Variants in CDH18 observed in about 807,000 individuals in gnomAD.
CDH18 encodes cadherin 18, also known as cadherin-18.
In CDH18, 31 loss-of-function variants were observed where a neutral mutation model predicts 67.9. That is an observed-to-expected ratio of 0.46 (90% CI 0.34 to 0.62). The LOEUF is 0.62. Ranked by LOEUF, CDH18 falls within the 20% of genes least tolerant of loss-of-function variation. The pLI is 0.01. For missense variants in CDH18, 890 were observed against 975.5 expected, an observed-to-expected ratio of 0.91 and a Z score of 1.17; for synonymous variants, 362 against 347.2, an observed-to-expected ratio of 1.04 and a Z score of -0.48.
chr5:19,903,639 TCC>T (rs1299725872), intron 2 of CDH18, among the ~76,000 whole-genome samples: 5 of 117,146 alleles, frequency 4.3e-5, no homozygotes, highest in Non-Finnish European at 5.4e-5. Context: ...TTTTTTTTTT[TCC>T]TCCAGGACTA....
At chr5:20,034,594 T>G (rs1219671432) in intron 2 of CDH18, among the ~76,000 whole-genome samples, 1 of 152,020 alleles carries the variant, frequency 6.6e-6, no homozygotes, top group Non-Finnish European at 1.5e-5. Context: ...GGTCTGAATA[T>G]TTTCTCTGCC....
chr5:19,525,656 C>G (rs915597914), intron 9 of CDH18, among the ~76,000 whole-genome samples: 7 of 152,166 alleles, frequency 4.6e-5, no homozygotes, highest in Non-Finnish European at 8.8e-5. Flanking sequence ...CGAGTGAAAA[C>G]TCACTGTCAC....
At chr5:20,458,203 G>C (rs1016257323) in intron 1 of CDH18, among the ~76,000 whole-genome samples, 1 of 152,070 alleles carries the variant, frequency 6.6e-6, no homozygotes, top group Non-Finnish European at 1.5e-5. Flanking sequence ...CTGCAGCCTC[G>C]ATCTCCTGGG....
At chr5:20,053,581 A>T (rs1288980431) in intron 2 of CDH18, among the ~76,000 whole-genome samples, 1 of 152,094 alleles carries the variant, frequency 6.6e-6, no homozygotes, top group Non-Finnish European at 1.5e-5. Flanking sequence ...TATTTCTCAC[A>T]AACACTAAAA....
intron 3 of CDH18, among the ~76,000 whole-genome samples, chr5:19,823,638 AT>A (rs1268229252): frequency 1.3e-5 from 2 of 152,218 alleles, no homozygotes; most frequent in African/African-American, 2.4e-5. Context: ...TGGAGGACTT[AT>A]CACCCCACTG....
In CDH18 at chr5:20,394,821, CAT is replaced by C. The variant is rs1217352394; in HGVS notation, c.-579-139318_-579-139317del. Among the ~76,000 whole-genome samples the C allele has an allele frequency of 2.0e-5, 3 of 151,726 alleles. No individual in the cohort carries two copies. The East Asian group carries it at 5.8e-4, about 29-fold the overall frequency. ...AGAAGACATACAAATGGCCAACAAA[CAT>C]ATGAAAAAATGCTCAACATTACTAA... On this transcript the variant is annotated intron_variant, in intron 1 of 14. Transcript: ENST00000507958.
chr5:19,971,326 C>T (rs957405001), intron 2 of CDH18, among the ~76,000 whole-genome samples: 1 of 152,008 alleles, frequency 6.6e-6, no homozygotes, highest in Non-Finnish European at 1.5e-5. Context: ...TGTTCAAGAG[C>T]TAATGTATAG....
intron 3 of CDH18, among the ~76,000 whole-genome samples, chr5:19,787,848 T>C (rs1368833157): frequency 6.6e-6 from 1 of 150,468 alleles, no homozygotes; most frequent in East Asian, 1.9e-4. Flanking sequence ...TATATATAAG[T>C]ATACATGTCT....
intron 6 of CDH18, among the ~76,000 whole-genome samples, chr5:19,607,446 GAAAT>G (rs1426116366): frequency 6.6e-6 from 1 of 150,868 alleles, no homozygotes; most frequent in Non-Finnish European, 1.5e-5. Context: ...AAGGTAGAGT[GAAAT>G]AAATAATAAT....
At chr5:20,170,466 T>G (rs1269258301) in intron 2 of CDH18, among the ~76,000 whole-genome samples, 2 of 152,112 alleles carry the variant, frequency 1.3e-5, no homozygotes, top group Admixed American at 1.3e-4. Context: ...TTGGTAAAAT[T>G]AAACTATCAG....
chr5:20,002,315 A>G (rs1580001046), intron 2 of CDH18, among the ~76,000 whole-genome samples: 1 of 152,166 alleles, frequency 6.6e-6, no homozygotes, highest in East Asian at 1.9e-4. Flanking sequence ...TTTATTTTTA[A>G]TGGAATTTGG....
chr5:19,584,105 G>A (rs1476058691), intron 7 of CDH18, among the ~76,000 whole-genome samples: 1 of 152,168 alleles, frequency 6.6e-6, no homozygotes, highest in Non-Finnish European at 1.5e-5. Flanking sequence ...CTAAGGAGAA[G>A]CACATCTCTA....
chr5:20,138,216 C>T (rs796207826), intron 2 of CDH18, among the ~76,000 whole-genome samples: 32 of 152,128 alleles, frequency 2.1e-4, no homozygotes, highest in African/African-American at 7.0e-4. Flanking sequence ...AAAAAAACCA[C>T]GTGATTGTCT....
At chr5:19,973,244 C>T (rs1798194395) in intron 2 of CDH18, among the ~76,000 whole-genome samples, 1 of 151,970 alleles carries the variant, frequency 6.6e-6, no homozygotes, top group Admixed American at 6.6e-5. Context: ...CAGGCAAATG[C>T]CACATATAAT....
intron 2 of CDH18, among the ~76,000 whole-genome samples, chr5:20,138,768 G>T (rs1453659623): frequency 6.6e-6 from 1 of 152,056 alleles, no homozygotes; most frequent in Non-Finnish European, 1.5e-5. Flanking sequence ...GGATGTGAAG[G>T]ACCTCTTCAA....
At position 20,574,315 on chromosome 5, in the gene CDH18, T is replaced by C. The variant is rs1365701957; in HGVS notation, c.-580+1147A>G. ...TAAATTCAGACATGTGGGCTACTAC[T>C]AAGGTTGGCAATCATGTTCTTTTTT... On this transcript the variant is annotated intron_variant, in intron 1 of 14. Coordinates refer to the CDH18 transcript ENST00000507958. 2.0e-5 allele frequency among the ~76,000 whole-genome samples: 3 copies of C among 152,010 alleles called. No individual in the cohort carries two copies. In the East Asian group the frequency reaches 5.8e-4, roughly 29 times the overall value.
At chr5:20,304,090 A>T in intron 1 of CDH18, 9 of 1,611,240 alleles carry the variant, frequency 5.6e-6, no homozygotes, top group Non-Finnish European at 7.6e-6. Context: ...ACTCGTCTGC[A>T]TCCTCGCTGG....
intron 5 of CDH18, among the ~76,000 whole-genome samples, chr5:19,678,614 C>CA (rs1012446616): frequency 1.3e-5 from 2 of 151,236 alleles, no homozygotes; most frequent in African/African-American, 2.4e-5. Context: ...TGGCAGAAGA[C>CA]AAAAAAATCA....
intron 3 of CDH18, among the ~76,000 whole-genome samples, chr5:19,767,131 C>T (rs1422290085): frequency 1.3e-5 from 2 of 151,164 alleles, no homozygotes; most frequent in Non-Finnish European, 3.0e-5. Context: ...TAAAATAATA[C>T]CAGGAGAAAA....
Sources: allele counts gnomAD v4.1 joint callset (sites outside exome capture counted in the v4.1 genomes callset), GRCh38; gene constraint gnomAD v4.1.1; transcripts MANE v1.5; gene names NCBI Gene and HGNC (gene_info 2026-07-23, HGNC 2026-07-21).